The following FYTTD1 variants were observed in gnomAD, a reference collection of about 807,000 sequenced individuals.
The protein encoded by FYTTD1 is forty-two-three domain containing 1.
In FYTTD1, 22 loss-of-function variants were observed where a neutral mutation model predicts 40.9. That is an observed-to-expected ratio of 0.54 (90% confidence interval 0.38 to 0.77). FYTTD1 has a LOEUF of 0.77. Among genes scored for constraint, FYTTD1 ranks in the 30% least tolerant of loss-of-function variants. The probability of loss-of-function intolerance (pLI) is 0.00; values close to 1 mark genes in which losing one functional copy is unlikely to be tolerated. For synonymous variants in FYTTD1, 140 were observed against 137.9 expected (o/e 1.01, Z -0.10); for missense variants, 351 against 392.2 (o/e 0.90, Z 0.89).
chr3:197,755,688 A>G (rs1729193712), intron 1 of FYTTD1: 1 of 487,150 alleles, frequency 2.1e-6, no homozygotes, highest in Non-Finnish European at 3.6e-6. Context: ...GGATTTCACC[A>G]TGTTGGTCAG....
chr3:197,767,654 A>G (rs531157420), intron 2 of FYTTD1, among the ~76,000 whole-genome samples: 59 of 151,884 alleles, frequency 3.9e-4, no homozygotes, highest in African/African-American at 1.2e-3. Flanking sequence ...AGGCCTCACT[A>G]TGTTGCCCAG....
chr3:197,773,178 A>T (rs1196477306), intron 4 of FYTTD1, among the ~76,000 whole-genome samples: 1 of 152,216 alleles, frequency 6.6e-6, no homozygotes, highest in East Asian at 1.9e-4. Context: ...TATTTGGAAG[A>T]TAAAGTGGTT....
intron 2 of FYTTD1, among the ~76,000 whole-genome samples, chr3:197,765,720 G>A (rs1048732682): frequency 1.3e-5 from 2 of 151,918 alleles, no homozygotes; most frequent in African/African-American, 4.8e-5. Context: ...AAATAGTCCG[G>A]GCGCAGTGGC....
At chr3:197,754,227 A>G (rs962082620) in intron 1 of FYTTD1, among the ~76,000 whole-genome samples, 1 of 152,110 alleles carries the variant, frequency 6.6e-6, no homozygotes, top group African/African-American at 2.4e-5. Flanking sequence ...CTTCCTTGGT[A>G]TTCCCTTTAT....
At chr3:197,771,639 T>C (rs1365473590) in intron 4 of FYTTD1, among the ~76,000 whole-genome samples, 1 of 149,956 alleles carries the variant, frequency 6.7e-6, no homozygotes, top group Non-Finnish European at 1.5e-5. Flanking sequence ...TAGCCGGGCG[T>C]GGTGGCGGGC....
At chr3:197,764,337 T>C (rs989408054) in intron 2 of FYTTD1, among the ~76,000 whole-genome samples, 1 of 152,154 alleles carries the variant, frequency 6.6e-6, no homozygotes, top group Non-Finnish European at 1.5e-5. Context: ...AATATAATCA[T>C]TGCTAAAACA....
chr3:197,771,994 T>A (rs1729734557), intron 4 of FYTTD1, among the ~76,000 whole-genome samples: 1 of 151,882 alleles, frequency 6.6e-6, no homozygotes, highest in Non-Finnish European at 1.5e-5. Context: ...TTTGGGAGGC[T>A]GAGGCAGGAG....
chr3:197,759,706 G>C (rs1729315807), intron 2 of FYTTD1, among the ~76,000 whole-genome samples: 1 of 150,854 alleles, frequency 6.6e-6, no homozygotes, highest in African/African-American at 2.4e-5. Flanking sequence ...AACGTATAGA[G>C]TTGTTCCTCA....
intron 6 of FYTTD1, among the ~76,000 whole-genome samples, chr3:197,776,628 G>C (rs111226542): frequency 8.0e-4 from 122 of 152,158 alleles, no homozygotes; most frequent in Middle Eastern, 6.8e-3. Context: ...AGTAGGAATA[G>C]AAAGCAGGAG....
At chr3:197,771,876 C>G (rs1343034418) in intron 4 of FYTTD1, among the ~76,000 whole-genome samples, 3 of 151,694 alleles carry the variant, frequency 2.0e-5, no homozygotes, top group Non-Finnish European at 2.9e-5. Flanking sequence ...TGTGGATCAC[C>G]TGAGGCCAGG....
intron 2 of FYTTD1, among the ~76,000 whole-genome samples, chr3:197,762,257 TACC>T (rs1446829846): frequency 1.3e-5 from 2 of 152,198 alleles, no homozygotes; most frequent in Non-Finnish European, 2.9e-5. Flanking sequence ...AAAAACAATA[TACC>T]ACTGTTCTTA....
At chr3:197,772,814 A>G (rs1407332087) in intron 4 of FYTTD1, among the ~76,000 whole-genome samples, 2 of 152,022 alleles carry the variant, frequency 1.3e-5, no homozygotes. Flanking sequence ...TTACCATGTT[A>G]CCCAGGCTGG....
intron 5 of FYTTD1, among the ~76,000 whole-genome samples, 173 bp downstream of exon 5, chr3:197,773,672 C>G (rs924198345): frequency 6.6e-6 from 1 of 152,178 alleles, no homozygotes; most frequent in Non-Finnish European, 1.5e-5. Flanking sequence ...CCCATCTTTT[C>G]TTACCCTCAA....
chr3:197,772,750 AGG>A (rs1347175934), intron 4 of FYTTD1, among the ~76,000 whole-genome samples: 1 of 152,184 alleles, frequency 6.6e-6, no homozygotes, highest in East Asian at 1.9e-4. Context: ...CTGGGACTAC[AGG>A]CGTGTGCCAC....
rs901836519 is a variant in FYTTD1 at position 197,774,101 on chromosome 3, C to A, written c.595-48C>A. 13 of 1,524,670 alleles carry A rather than the reference C, an allele frequency of 8.5e-6. No individual in the cohort carries two copies. In the Admixed American group the frequency reaches 1.7e-4, roughly 20 times the overall value. 94.4% of individuals were successfully genotyped at this position (1,524,670 alleles called of 1,614,324 possible). ...CCAGAGCAGGATCGCTCTTTGGATT[C>A]AAATCCTCTGCTTTCTGTGGTACCT... is the stretch of plus-strand genomic sequence containing the variant. On this transcript the variant is annotated intron_variant, in intron 5 of 8. Transcript: ENST00000241502.
In FYTTD1 at chr3:197,785,683, C is replaced by G. The variant is rs1325615070; in HGVS notation, c.*3774C>G. 6.6e-6 allele frequency: 1 copy of G among 151,938 alleles called. No individual in the cohort carries two copies. The highest frequency in any genetic ancestry group is 2.4e-5 in the African/African-American group (1 of 41,352). The allele number at this position is 151,938 out of a possible 1,614,324, so 9.4% of individuals were successfully genotyped here. ...GTAATTCACACAAAGTATACGGGCC[C>G]AGAATAATTTTTGTTGATTTATTTT... On this transcript the variant is annotated 3_prime_UTR_variant, in exon 9 of 9. Coordinates refer to ENST00000241502, the MANE Select transcript of FYTTD1 (RefSeq NM_032288.7).
At chr3:197,753,554 C>T (rs1027825853) in intron 1 of FYTTD1, among the ~76,000 whole-genome samples, 17 of 150,324 alleles carry the variant, frequency 1.1e-4, no homozygotes, top group African/African-American at 4.2e-4. Context: ...AATTCTGATA[C>T]CTGTGTATCT....
At chr3:197,751,654 AAAAG>A (rs1729059089) in intron 1 of FYTTD1, among the ~76,000 whole-genome samples, 1 of 143,908 alleles carries the variant, frequency 6.9e-6, no homozygotes, top group East Asian at 2.1e-4. Flanking sequence ...CCCCCCGCAA[AAAAG>A]AGAGAGAAAC....
intron 1 of FYTTD1, 70 bp downstream of exon 1, chr3:197,750,144 T>G: frequency 8.2e-7 from 1 of 1,225,152 alleles, no homozygotes; most frequent in Non-Finnish European, 1.1e-6. Context: ...GCGCGGTTTG[T>G]GGGGGCAGGG....
Sources: allele counts gnomAD v4.1 joint callset (sites outside exome capture counted in the v4.1 genomes callset), GRCh38; gene constraint gnomAD v4.1.1; transcripts MANE v1.5; gene names NCBI Gene and HGNC (gene_info 2026-07-23, HGNC 2026-07-21).